Variants in CNTN5 observed in about 807,000 individuals in gnomAD.
CNTN5 encodes the protein contactin 5.
Under a neutral mutation model 129.1 loss-of-function variants are expected in CNTN5, and 77 were observed. That is an observed-to-expected ratio of 0.60 (90% confidence interval 0.50 to 0.72). The LOEUF is 0.72. Among genes scored for constraint, CNTN5 ranks in the 30% least tolerant of loss-of-function variants. CNTN5 has a pLI of 0.00. For missense variants in CNTN5, 1,478 were observed against 1,328.8 expected (o/e 1.11, Z -1.75); for synonymous variants, 509 against 465.6 (o/e 1.09, Z -1.20).
At chr11:99,694,636 A>G (rs972619829) in intron 3 of CNTN5, among the ~76,000 whole-genome samples, 4 of 152,078 alleles carry the variant, frequency 2.6e-5, no homozygotes, top group Admixed American at 2.0e-4. Flanking sequence ...TGTCATCTAC[A>G]TTAGGTATTT....
intron 2 of CNTN5, among the ~76,000 whole-genome samples, chr11:99,337,457 G>A (rs1307661433): frequency 6.6e-6 from 1 of 152,188 alleles, no homozygotes; most frequent in Non-Finnish European, 1.5e-5. Flanking sequence ...TATCCCTTAA[G>A]GGAAACGAAG....
chr11:100,136,880 A>T (rs1946543375), intron 13 of CNTN5, among the ~76,000 whole-genome samples: 1 of 151,924 alleles, frequency 6.6e-6, no homozygotes, highest in African/African-American at 2.4e-5. Flanking sequence ...TCTTATTTAG[A>T]TTGGACATCA....
intron 6 of CNTN5, among the ~76,000 whole-genome samples, chr11:99,900,855 T>A (rs1949337765): frequency 6.6e-6 from 1 of 152,194 alleles, no homozygotes; most frequent in Non-Finnish European, 1.5e-5. Flanking sequence ...ATCTTAATAC[T>A]CCCTTTTTTT....
chr11:99,473,807 AAATAT>A (rs886891572), intron 2 of CNTN5, among the ~76,000 whole-genome samples: 3 of 151,668 alleles, frequency 2.0e-5, no homozygotes, highest in African/African-American at 4.8e-5. Flanking sequence ...ATTATATTTA[AAATAT>A]AATATATATG....
At chr11:99,798,117 C>T (rs984177409) in intron 3 of CNTN5, among the ~76,000 whole-genome samples, 1 of 152,024 alleles carries the variant, frequency 6.6e-6, no homozygotes, top group African/African-American at 2.4e-5. Context: ...TCCTACCCTA[C>T]CCCGTCTGAT....
chr11:99,892,170 G>T (rs1195837528), intron 6 of CNTN5, among the ~76,000 whole-genome samples: 2 of 152,066 alleles, frequency 1.3e-5, no homozygotes, highest in Non-Finnish European at 2.9e-5. Context: ...TTTTGATGGG[G>T]TTGTTTGCTT....
At chr11:99,761,005 G>T (rs1310402865) in intron 3 of CNTN5, among the ~76,000 whole-genome samples, 2 of 152,046 alleles carry the variant, frequency 1.3e-5, no homozygotes, top group African/African-American at 4.8e-5. Context: ...TTGTCTCATA[G>T]TTCTTGAATT....
intron 15 of CNTN5, among the ~76,000 whole-genome samples, chr11:100,199,316 A>G (rs1440467843): frequency 6.6e-6 from 1 of 151,648 alleles, no homozygotes; most frequent in Non-Finnish European, 1.5e-5. Context: ...CCCTTTCCCT[A>G]TCTCACTAAG....
At position 99,819,659 on chromosome 11, in the gene CNTN5, T is replaced by A. The variant is rs1397372134; in HGVS notation, c.171T>A (p.Pro57=). ...GSKTRPRYSS[P]SLGTLSASSP... ...AAACCAGACCACGATACAGCAGCCCTTCATTAGGAACACTGAGTGCTTCTT... is the reference window on the plus strand; with the variant it reads ...AAACCAGACCACGATACAGCAGCCCATCATTAGGAACACTGAGTGCTTCTT... The change falls in exon 4 of 25, where the codon CCT becomes CCA. Residue 57 remains proline, a synonymous_variant. Coordinates refer to ENST00000524871, the MANE Select transcript of CNTN5 (RefSeq NM_014361.4). 3 of 1,612,876 alleles carry A rather than the reference T, an allele frequency of 1.9e-6. No individual in the cohort carries two copies. The highest frequency in any genetic ancestry group is 2.5e-6 in the Non-Finnish European group (3 of 1,179,834).
intron 21 of CNTN5, among the ~76,000 whole-genome samples, chr11:100,314,442 A>G (rs1443121571): frequency 6.6e-6 from 1 of 152,148 alleles, no homozygotes; most frequent in Non-Finnish European, 1.5e-5. Context: ...TTCTGAAGTC[A>G]TGTACACAGA....
intron 13 of CNTN5, among the ~76,000 whole-genome samples, chr11:100,083,868 CTTTTTCTTGA>C (rs1944454593): frequency 1.3e-5 from 2 of 151,948 alleles, no homozygotes; most frequent in African/African-American, 4.8e-5. Context: ...CAAATATTTT[CTTTTTCTTGA>C]CCACTCCACC....
Position 100,095,810 on chromosome 11 carries a change from C to T in CNTN5, c.1580+21516C>T, listed in dbSNP as rs533513827. ...AATACTTAGTCAGTTTTTATCTACACGTGTGCCTTCGGTGATTTATTTAAG... is the reference window on the plus strand; with the variant it reads ...AATACTTAGTCAGTTTTTATCTACATGTGTGCCTTCGGTGATTTATTTAAG... On this transcript the variant is annotated intron_variant, in intron 13 of 24. Coordinates refer to ENST00000524871, the MANE Select transcript of CNTN5 (RefSeq NM_014361.4). Among the ~76,000 whole-genome samples the T allele has an allele frequency of 6.4e-4, 97 of 152,174 alleles. 1 individual carries two copies. Among genetic ancestry groups the T allele is most frequent in the African/African-American group, 2.2e-3 (92 of 41,540 alleles).
At position 99,225,127 on chromosome 11, in the gene CNTN5, G is replaced by A. The variant is rs759795887; in HGVS notation, c.-209-100219G>A. Among the ~76,000 whole-genome samples, 97 of 152,168 alleles carry A rather than the reference G, an allele frequency of 6.4e-4. 1 individual carries two copies. The highest frequency in any genetic ancestry group is 1.1e-3 in the Non-Finnish European group (73 of 68,004). The stretch of plus-strand genomic sequence containing the variant: ...GACTAGATGACATTTTAAAGAGAAC[G>A]AGCACAAATAAAAAATGAAAGAGGT... On this transcript the variant is annotated intron_variant, in intron 1 of 24. Transcript: ENST00000524871.
At chr11:99,211,756 T>G (rs912322255) in intron 1 of CNTN5, among the ~76,000 whole-genome samples, 2 of 152,156 alleles carry the variant, frequency 1.3e-5, no homozygotes, top group Non-Finnish European at 2.9e-5. Context: ...AAGTATCTCC[T>G]TTTAATGTTT....
intron 13 of CNTN5, 31 bp from the exon 14 acceptor site, chr11:100,191,095 G>GAAAA (rs3031278): frequency 1.2e-4 from 184 of 1,472,240 alleles, no homozygotes; most frequent in South Asian, 3.6e-4. Context: ...CAGTAAAACA[G>GAAAA]AAAAAAAAAC....
At chr11:99,409,651 G>T (rs1420572077) in intron 2 of CNTN5, among the ~76,000 whole-genome samples, 1 of 152,174 alleles carries the variant, frequency 6.6e-6, no homozygotes. Context: ...AAATATGCAA[G>T]ACTGGGTAAA....
chr11:99,030,987 C>G (rs1417378556), intron 1 of CNTN5, among the ~76,000 whole-genome samples: 1 of 151,088 alleles, frequency 6.6e-6, no homozygotes, highest in Non-Finnish European at 1.5e-5. Flanking sequence ...TTAGTAGAGA[C>G]TGGGTTTCAC....
Position 99,370,854 on chromosome 11 carries a change from AT to A in CNTN5, c.-71+45371del, listed in dbSNP as rs1262789494. 5.9e-5 allele frequency among the ~76,000 whole-genome samples: 9 copies of A among 152,350 alleles called. No homozygotes were observed. In the East Asian group the frequency reaches 1.5e-3, roughly 26 times the overall value. On this transcript the variant is annotated intron_variant, in intron 2 of 24. Coordinates refer to ENST00000524871, the MANE Select transcript of CNTN5 (RefSeq NM_014361.4). ...AAGACTAGAATATTATGAAATTTAG[AT>A]AATGGCAAAAGATAATAAAAGAGTA...
chr11:99,792,538 G>GGGGT (rs1005923299), intron 3 of CNTN5, among the ~76,000 whole-genome samples: 2 of 127,748 alleles, frequency 1.6e-5, no homozygotes, highest in African/African-American at 6.4e-5. Context: ...CCTGAAGAGG[G>GGGGT]GTGTGTGTGT....
Sources: allele counts gnomAD v4.1 joint callset (sites outside exome capture counted in the v4.1 genomes callset), GRCh38; gene constraint gnomAD v4.1.1; transcripts MANE v1.5; gene names NCBI Gene and HGNC (gene_info 2026-07-23, HGNC 2026-07-21).